PRKCE: variants seen among roughly 807,000 people sequenced by gnomAD.
The protein encoded by PRKCE is protein kinase C epsilon.
A neutral mutation model predicts 85.4 loss-of-function variants in PRKCE; 16 were observed. That is an observed-to-expected ratio of 0.19 (90% confidence interval 0.13 to 0.28). The LOEUF (loss-of-function observed/expected upper bound fraction) is 0.28, where lower values mean the gene tolerates loss of function less well. Ranked by LOEUF, PRKCE falls within the 10% of genes least tolerant of loss-of-function variation. The pLI, the probability that PRKCE is intolerant of heterozygous loss-of-function variation, is 1.00. For synonymous variants in PRKCE, 388 were observed against 371.5 expected, an observed-to-expected ratio of 1.04 and a Z score of -0.51; for missense variants, 573 against 975.2, an observed-to-expected ratio of 0.59 and a Z score of 5.49.
chr2:45,693,737 G>A (rs1046481462), intron 1 of PRKCE, among the ~76,000 whole-genome samples: 12 of 152,142 alleles, frequency 7.9e-5, no homozygotes, highest in African/African-American at 2.9e-4. Flanking sequence ...CAGTCGGGGT[G>A]GACCGTCACC....
At chr2:45,666,786 T>C (rs1196098796) in intron 1 of PRKCE, among the ~76,000 whole-genome samples, 14 of 152,190 alleles carry the variant, frequency 9.2e-5, no homozygotes, top group Non-Finnish European at 1.3e-4. Context: ...CCTGCCTTTT[T>C]GTGCTAATGC....
At position 45,743,995 on chromosome 2, in the gene PRKCE, T is replaced by TG. The variant is rs369073691; in HGVS notation, c.348+91547_348+91548insG. On this transcript the variant is annotated intron_variant, in intron 1 of 14. Coordinates refer to ENST00000306156, the MANE Select transcript of PRKCE (RefSeq NM_005400.3). The stretch of plus-strand genomic sequence containing the variant: ...AGATTGTAGATTTGGCCGTTGTGTG[T>TG]TTTTTTTTTTTTTTTCCAGATAATG... Among the ~76,000 whole-genome samples the TG allele has an allele frequency of 8.4e-3, 92 of 10,962 alleles. No individual in the cohort carries two copies. In the East Asian group the frequency reaches 0.4, roughly 48 times the overall value. The allele number at this position is 10,962 out of a possible 152,430, so 7.2% of individuals were successfully genotyped here. A position where few individuals can be genotyped will look rare whatever the true frequency, so the allele number is the denominator to read the frequency against.
At chr2:46,063,557 A>T (rs958641134) in intron 10 of PRKCE, among the ~76,000 whole-genome samples, 1 of 152,072 alleles carries the variant, frequency 6.6e-6, no homozygotes, top group African/African-American at 2.4e-5. Flanking sequence ...CTGATGGGGG[A>T]TGGCGCCCAT....
chr2:45,900,202 C>T lies in PRKCE; in HGVS notation c.412+57139C>T, dbSNP rs137879496. Among the ~76,000 whole-genome samples, 1,270 of 152,286 alleles carry T rather than the reference C, an allele frequency of 8.3e-3. 14 individuals carry two copies. Among genetic ancestry groups the T allele is most frequent in the African/African-American group, 0.029 (1,185 of 41,554 alleles). On this transcript the variant is annotated intron_variant, in intron 2 of 14. Coordinates refer to ENST00000306156, the MANE Select transcript of PRKCE (RefSeq NM_005400.3). ...AATGTGGTGCAGCCCCTGTGGAAAA[C>T]GGCATGACATTTTCTCAGAAAATTG...
chr2:46,061,853 CTTTTTCTTT>C (rs1242533749), intron 10 of PRKCE, among the ~76,000 whole-genome samples: 3 of 107,816 alleles, frequency 2.8e-5, no homozygotes, highest in Non-Finnish European at 5.3e-5. Context: ...CTTTTCTTTT[CTTTTTCTTT>C]TTTTTTTTTT....
chr2:45,686,372 A>C (rs188069737), intron 1 of PRKCE: 1 of 152,324 alleles, frequency 6.6e-6, no homozygotes, highest in African/African-American at 2.4e-5. Flanking sequence ...GTCTACTACT[A>C]CTGCCTTTAT....
chr2:45,715,199 G>A (rs185961755), intron 1 of PRKCE, among the ~76,000 whole-genome samples: 3 of 152,334 alleles, frequency 2.0e-5, no homozygotes, highest in African/African-American at 7.2e-5. Flanking sequence ...GCAGCGCACC[G>A]CAGGAAGCAG....
intron 14 of PRKCE, among the ~76,000 whole-genome samples, chr2:46,170,137 TAC>T (rs1253762613): frequency 6.6e-6 from 1 of 152,190 alleles, no homozygotes; most frequent in Admixed American, 6.5e-5. Context: ...AAAAATGTCA[TAC>T]ACCCATGTGA....
At chr2:45,724,083 T>G (rs984947313) in intron 1 of PRKCE, among the ~76,000 whole-genome samples, 1 of 152,216 alleles carries the variant, frequency 6.6e-6, no homozygotes, top group Non-Finnish European at 1.5e-5. Flanking sequence ...AGGCACACCT[T>G]GTTTTATTGC....
At chr2:45,843,418 C>T (rs1365743401) in intron 2 of PRKCE, among the ~76,000 whole-genome samples, 4 of 152,164 alleles carry the variant, frequency 2.6e-5, no homozygotes, top group South Asian at 2.1e-4. Flanking sequence ...GTTGGTCTAA[C>T]GGCATCCAGA....
chr2:45,689,402 A>T (rs773622600), intron 1 of PRKCE, among the ~76,000 whole-genome samples: 10 of 152,300 alleles, frequency 6.6e-5, no homozygotes, highest in African/African-American at 1.2e-4. Flanking sequence ...CACGACCCCC[A>T]ATCCCATTCT....
chr2:46,090,160 A>G (rs1169383976), intron 11 of PRKCE, among the ~76,000 whole-genome samples: 1 of 152,196 alleles, frequency 6.6e-6, no homozygotes, highest in East Asian at 1.9e-4. Flanking sequence ...CATAATAATC[A>G]TAAACACAGA....
At chr2:45,962,044 G>C (rs886183595) in intron 2 of PRKCE, among the ~76,000 whole-genome samples, 6 of 152,272 alleles carry the variant, frequency 3.9e-5, no homozygotes, top group African/African-American at 1.4e-4. Flanking sequence ...CCTCGCCTTT[G>C]CTACCTGTTC....
chr2:45,651,292 C>T (rs1247749701), upstream of PRKCE: 2 of 149,968 alleles, frequency 1.3e-5, no homozygotes, highest in East Asian at 2.0e-4. Context: ...GTCCCTGCCC[C>T]GCCGCCGCGC....
At chr2:45,823,434 G>A (rs1257884466) in intron 1 of PRKCE, among the ~76,000 whole-genome samples, 1 of 152,184 alleles carries the variant, frequency 6.6e-6, no homozygotes, top group African/African-American at 2.4e-5. Flanking sequence ...ATTAAATCAG[G>A]AAACCTGCCA....
At chr2:46,000,134 T>G (rs1037910244) in intron 6 of PRKCE, among the ~76,000 whole-genome samples, 7 of 151,894 alleles carry the variant, frequency 4.6e-5, no homozygotes, top group Non-Finnish European at 1.0e-4. Context: ...TCAAACTGGT[T>G]TTTTGGGGTT....
chr2:45,845,420 TGAAAGG>T (rs1246436444), intron 2 of PRKCE: 1 of 150,844 alleles, frequency 6.6e-6, no homozygotes, highest in African/African-American at 2.4e-5. Context: ...CTGCATTCTG[TGAAAGG>T]GAGAGAGTTG....
At chr2:45,661,529 TG>T (rs576078911) in intron 1 of PRKCE, among the ~76,000 whole-genome samples, 14 of 126,576 alleles carry the variant, frequency 1.1e-4, no homozygotes, top group African/African-American at 3.5e-4. Context: ...TTTTGTTTTT[TG>T]TTTTTTTTTT....
intron 1 of PRKCE, among the ~76,000 whole-genome samples, chr2:45,800,997 A>G (rs1687820877): frequency 6.6e-6 from 1 of 152,200 alleles, no homozygotes; most frequent in Admixed American, 6.5e-5. Context: ...TTCCTCAACA[A>G]GTCTCAGAAG....
Sources: gnomAD v4.1 joint callset for allele counts (sites outside exome capture counted in the v4.1 genomes callset) on GRCh38, gnomAD v4.1.1 for gene constraint, MANE v1.5 for transcripts, NCBI Gene and HGNC (gene_info 2026-07-23, HGNC 2026-07-21) for gene names.